CDH12: variants seen among roughly 807,000 people sequenced by gnomAD.
CDH12 encodes cadherin-12.
CDH12 carries 41 observed loss-of-function variants against 74.1 expected under a neutral mutation model. That is an observed-to-expected ratio of 0.55 (90% CI 0.43 to 0.72). The LOEUF is 0.72. Among genes scored for constraint, CDH12 ranks in the 30% least tolerant of loss-of-function variants. The pLI, the probability that CDH12 is intolerant of heterozygous loss-of-function variation, is 0.00. For synonymous variants in CDH12, 399 were observed against 355.0 expected (o/e 1.12, Z -1.39); for missense variants, 945 against 977.2 (o/e 0.97, Z 0.44).
chr5:22,786,707 C>A (rs546241726), intron 1 of CDH12, among the ~76,000 whole-genome samples: 4 of 150,968 alleles, frequency 2.6e-5, no homozygotes, highest in Middle Eastern at 3.4e-3. Flanking sequence ...CTTTTTTTTT[C>A]TTTTTTCTTT....
At chr5:22,428,493 AAG>A (rs1744036902) in intron 2 of CDH12, among the ~76,000 whole-genome samples, 1 of 151,880 alleles carries the variant, frequency 6.6e-6, no homozygotes, top group African/African-American at 2.4e-5. Flanking sequence ...TTTATAGAGA[AAG>A]AGATGTTGAA....
intron 4 of CDH12, among the ~76,000 whole-genome samples, chr5:22,117,345 G>A (rs1745177291): frequency 6.9e-6 from 1 of 145,508 alleles, no homozygotes; most frequent in African/African-American, 2.6e-5. Context: ...CTAAATGAAA[G>A]TTATGAGAGC....
chr5:22,048,936 G>C (rs1740154435), intron 5 of CDH12, among the ~76,000 whole-genome samples: 1 of 152,038 alleles, frequency 6.6e-6, no homozygotes, highest in Admixed American at 6.6e-5. Flanking sequence ...TAGAAATTTA[G>C]TAGAAAGATT....
At chr5:22,410,075 G>T (rs1009653462) in intron 2 of CDH12, among the ~76,000 whole-genome samples, 2 of 151,990 alleles carry the variant, frequency 1.3e-5, no homozygotes, top group African/African-American at 2.4e-5. Context: ...AAAAATGACA[G>T]GATAAAAAGC....
At chr5:22,063,919 A>T (rs1741372304) in intron 5 of CDH12, among the ~76,000 whole-genome samples, 1 of 151,594 alleles carries the variant, frequency 6.6e-6, no homozygotes, top group African/African-American at 2.4e-5. Context: ...ATGCTCCTTC[A>T]CGATTACATG....
intron 5 of CDH12, among the ~76,000 whole-genome samples, chr5:22,030,761 C>T (rs1171865413): frequency 6.6e-6 from 1 of 152,156 alleles, no homozygotes. Context: ...CCTCTTCTTC[C>T]AACAGAAGGT....
chr5:22,778,399 A>C (rs890448277), intron 1 of CDH12, among the ~76,000 whole-genome samples: 1 of 152,172 alleles, frequency 6.6e-6, no homozygotes, highest in Non-Finnish European at 1.5e-5. Context: ...GTAGATATAT[A>C]AAAGAAAGTG....
At chr5:22,836,086 T>C (rs963333364) in intron 1 of CDH12, among the ~76,000 whole-genome samples, 3 of 151,878 alleles carry the variant, frequency 2.0e-5, no homozygotes, top group African/African-American at 7.3e-5. Flanking sequence ...ACATGAAGGG[T>C]GATCTGTGGA....
intron 1 of CDH12, among the ~76,000 whole-genome samples, chr5:22,697,586 A>AAT (rs1554059818): frequency 1.3e-5 from 2 of 151,344 alleles, no homozygotes; most frequent in South Asian, 2.1e-4. Flanking sequence ...AAAAAAAAAA[A>AAT]AAAGAAAGAA....
At chr5:22,467,241 A>AT (rs1745773862) in intron 2 of CDH12, among the ~76,000 whole-genome samples, 1 of 152,140 alleles carries the variant, frequency 6.6e-6, no homozygotes, top group Admixed American at 6.5e-5. Flanking sequence ...TTCTGTTAAA[A>AT]TTTTAACTGT....
intron 4 of CDH12, among the ~76,000 whole-genome samples, chr5:22,148,401 A>G (rs1430108345): frequency 6.6e-6 from 1 of 151,884 alleles, no homozygotes; most frequent in East Asian, 1.9e-4. Flanking sequence ...ATTTTAGTTT[A>G]TTTTAATTAA....
intron 6 of CDH12, among the ~76,000 whole-genome samples, chr5:21,942,533 ATTG>A (rs1283549384): frequency 6.6e-6 from 1 of 151,618 alleles, no homozygotes; most frequent in Non-Finnish European, 1.5e-5. Flanking sequence ...ATAGTGCTCT[ATTG>A]TTTTCCTTGT....
At chr5:21,884,155 C>T in intron 6 of CDH12, 3 of 1,576,296 alleles carry the variant, frequency 1.9e-6, no homozygotes, top group Non-Finnish European at 2.6e-6. Flanking sequence ...ATTGACCCAA[C>T]AAAGCTTGTG....
intron 6 of CDH12, among the ~76,000 whole-genome samples, chr5:21,876,359 G>A (rs987711255): frequency 6.6e-6 from 1 of 151,896 alleles, no homozygotes; most frequent in East Asian, 1.9e-4. Flanking sequence ...CCCTGATTTT[G>A]TCTCTCACTC....
At chr5:22,503,468 T>C (rs964409577) in intron 2 of CDH12, among the ~76,000 whole-genome samples, 1 of 152,054 alleles carries the variant, frequency 6.6e-6, no homozygotes, top group Non-Finnish European at 1.5e-5. Context: ...ATTATCACTC[T>C]CTATTTTGTT....
At chr5:22,650,470 G>A (rs183989484) in intron 1 of CDH12, among the ~76,000 whole-genome samples, 7 of 152,100 alleles carry the variant, frequency 4.6e-5, no homozygotes, top group Admixed American at 6.6e-5. Flanking sequence ...CCCTTTGTAA[G>A]GGCAAGTGTC....
chr5:22,507,216 G>A (rs951984670), intron 1 of CDH12, among the ~76,000 whole-genome samples: 4 of 152,052 alleles, frequency 2.6e-5, no homozygotes, highest in Non-Finnish European at 5.9e-5. Flanking sequence ...GACTTGAGGA[G>A]ATATATACTG....
intron 1 of CDH12, among the ~76,000 whole-genome samples, chr5:22,839,469 C>T (rs1193332067): frequency 6.6e-6 from 1 of 151,272 alleles, no homozygotes; most frequent in Admixed American, 6.6e-5. Context: ...AGCAATTCTG[C>T]CACAGCCTCC....
chr5:22,537,471 G>A (rs1193440753), intron 1 of CDH12, among the ~76,000 whole-genome samples: 1 of 152,022 alleles, frequency 6.6e-6, no homozygotes, highest in Non-Finnish European at 1.5e-5. Flanking sequence ...AAATCCAAAG[G>A]GCATCAGCCT....
Sources: gnomAD v4.1 joint callset for allele counts (sites outside exome capture counted in the v4.1 genomes callset) on GRCh38, gnomAD v4.1.1 for gene constraint, MANE v1.5 for transcripts, NCBI Gene and HGNC (gene_info 2026-07-23, HGNC 2026-07-21) for gene names.